GAN: variants seen among roughly 807,000 people sequenced by gnomAD.
GAN encodes the protein epididymis secretory sperm binding protein.
A neutral mutation model predicts 71.3 loss-of-function variants in GAN; 48 were observed. That is an observed-to-expected ratio of 0.67 (90% CI 0.53 to 0.86). GAN has a LOEUF of 0.86. Among genes scored for constraint, GAN ranks in the 40% least tolerant of loss-of-function variants. The probability of loss-of-function intolerance (pLI) is 0.00; values close to 1 mark genes in which losing one functional copy is unlikely to be tolerated. For synonymous variants in GAN, 386 were observed against 276.8 expected, an observed-to-expected ratio of 1.39 and a Z score of -3.92; for missense variants, 928 against 770.1, an observed-to-expected ratio of 1.21 and a Z score of -2.43.
intron 1 of GAN, among the ~76,000 whole-genome samples, chr16:81,324,348 G>A (rs998830131): frequency 1.3e-4 from 20 of 152,162 alleles, no homozygotes; most frequent in African/African-American, 4.8e-4. Flanking sequence ...GTCCACAGAG[G>A]ATGAGCATGG....
chr16:81,387,995 C>T lies in GAN; in HGVS notation c.*10399C>T, dbSNP rs1904453684. On this transcript the variant is annotated 3_prime_UTR_variant, in exon 11 of 11. Coordinates refer to ENST00000648994, the MANE Select transcript of GAN (RefSeq NM_022041.4). ...TTCGTTTGAACCAGCCTTGATTGTT[C>T]TCTCCATGTTCCACTGTGGCTCCCC... The T allele has an allele frequency of 6.6e-6, 1 of 152,238 alleles. No individual in the cohort carries two copies. 9.4% of individuals were successfully genotyped at this position (152,238 alleles called of 1,614,324 possible).
At position 81,354,738 on chromosome 16, in the gene GAN, G is replaced by T; in HGVS notation, c.616G>T (p.Asp206Tyr). 1 of 1,590,394 alleles carries T rather than the reference G, an allele frequency of 6.3e-7. No individual in the cohort carries two copies. Among genetic ancestry groups the T allele is most frequent in the South Asian group, 1.1e-5 (1 of 90,540 alleles). Residue 206 changes from aspartate to tyrosine, a missense_variant, in exon 3 of 11, where the codon GAT (aspartate) becomes TAT (tyrosine). Physicochemically the swap from Asp to Tyr is radical, Grantham distance 160. Transcript: ENST00000648994. The stretch of plus-strand genomic sequence containing the variant: ...AGCAGTAATTCGATGGATAGCACAT[G>T]ATACAGAAATAAGAAAGGTACCTGT... ...FEAVIRWIAHDTEIRKVHMKD... is the reference protein window; with the variant it reads ...FEAVIRWIAHYTEIRKVHMKD...
chr16:81,340,793 T>G (rs1474750511), intron 1 of GAN, among the ~76,000 whole-genome samples: 1 of 151,948 alleles, frequency 6.6e-6, no homozygotes, highest in East Asian at 1.9e-4. Context: ...ATAATGAATT[T>G]GATGAGTTGA....
At chr16:81,352,368 C>T (rs983068626) in intron 2 of GAN, among the ~76,000 whole-genome samples, 1 of 152,178 alleles carries the variant, frequency 6.6e-6, no homozygotes, top group African/African-American at 2.4e-5. Context: ...ACTACCCATT[C>T]CCCATGACGT....
At chr16:81,354,984 C>T (rs975656041) in intron 3 of GAN, among the ~76,000 whole-genome samples, 1 of 152,156 alleles carries the variant, frequency 6.6e-6, no homozygotes, top group South Asian at 2.1e-4. Flanking sequence ...TTGTAAGGAG[C>T]GTAATATCCT....
intron 1 of GAN, among the ~76,000 whole-genome samples, chr16:81,316,833 A>T (rs1909059439): frequency 1.3e-5 from 2 of 152,162 alleles, no homozygotes; most frequent in South Asian, 4.1e-4. Flanking sequence ...TTTCCCAACC[A>T]CAGTGTGACC....
At chr16:81,355,963 G>A (rs1349673372) in intron 3 of GAN, among the ~76,000 whole-genome samples, 1 of 152,188 alleles carries the variant, frequency 6.6e-6, no homozygotes, top group Non-Finnish European at 1.5e-5. Flanking sequence ...ATTGGTAAAG[G>A]AGATAGAAAA....
At chr16:81,370,241 G>T (rs1454407237) in intron 9 of GAN, among the ~76,000 whole-genome samples, 1 of 152,114 alleles carries the variant, frequency 6.6e-6, no homozygotes, top group African/African-American at 2.4e-5. Flanking sequence ...TGACCACATT[G>T]TGCTGTTTGT....
At chr16:81,318,804 C>G (rs1909129266) in intron 1 of GAN, among the ~76,000 whole-genome samples, 1 of 152,146 alleles carries the variant, frequency 6.6e-6, no homozygotes, top group East Asian at 1.9e-4. Context: ...ATGGTCAGCT[C>G]AGAGAGGACT....
intron 1 of GAN, among the ~76,000 whole-genome samples, chr16:81,317,900 T>C (rs1909098670): frequency 6.6e-6 from 1 of 152,194 alleles, no homozygotes; most frequent in Non-Finnish European, 1.5e-5. Context: ...TAAACATGAA[T>C]CAGTCAATAT....
chr16:81,317,262 T>G (rs1909075296), intron 1 of GAN, among the ~76,000 whole-genome samples: 1 of 152,248 alleles, frequency 6.6e-6, no homozygotes, highest in Admixed American at 6.5e-5. Context: ...ACAGCAAATG[T>G]GTACATTAGA....
Position 81,335,670 on chromosome 16 carries a change from T to G in GAN, c.168-15913T>G, listed in dbSNP as rs571556079. Among the ~76,000 whole-genome samples, 9 of 144,080 alleles carry G rather than the reference T, an allele frequency of 6.2e-5. No individual in the cohort carries two copies. In the East Asian group the frequency reaches 1.1e-3, roughly 17 times the overall value. 94.5% of individuals were successfully genotyped at this position (144,080 alleles called of 152,430 possible). A position where few individuals can be genotyped will look rare whatever the true frequency, so the allele number is the denominator to read the frequency against. On this transcript the variant is annotated intron_variant, in intron 1 of 10. Coordinates refer to ENST00000648994, the MANE Select transcript of GAN (RefSeq NM_022041.4). ...GCTGAGGCAGGAGAATCGCTTGAAC[T>G]CGGGAGGCGGAGGTTGCAGTGAGCC...
chr16:81,316,925 C>G (rs1183324429), intron 1 of GAN, among the ~76,000 whole-genome samples: 1 of 152,172 alleles, frequency 6.6e-6, no homozygotes, highest in African/African-American at 2.4e-5. Flanking sequence ...GTGGCGTGAT[C>G]TCGGCCCACT....
At chr16:81,334,279 G>C (rs566613662) in intron 1 of GAN, among the ~76,000 whole-genome samples, 1 of 152,310 alleles carries the variant, frequency 6.6e-6, no homozygotes, top group East Asian at 1.9e-4. Flanking sequence ...GGCTGTCGGG[G>C]AAGGATAGGA....
Position 81,386,350 on chromosome 16 carries a change from T to C in GAN, c.*8754T>C, listed in dbSNP as rs923449378. 8.5e-5 allele frequency: 13 copies of C among 152,240 alleles called. No homozygotes were observed. The highest frequency in any genetic ancestry group is 1.9e-4 in the Non-Finnish European group (13 of 68,042). 9.4% of individuals were successfully genotyped at this position (152,240 alleles called of 1,614,324 possible). On this transcript the variant is annotated 3_prime_UTR_variant, in exon 11 of 11. Coordinates refer to ENST00000648994, the MANE Select transcript of GAN (RefSeq NM_022041.4). ...TTAGACCAGTAGACCTAACTGTGCT[T>C]TCTTAACTTGGATGTTACATGAAAC... is the stretch of plus-strand genomic sequence containing the variant.
At chr16:81,328,584 G>A (rs969212332) in intron 1 of GAN, among the ~76,000 whole-genome samples, 1 of 151,784 alleles carries the variant, frequency 6.6e-6, no homozygotes, top group African/African-American at 2.4e-5. Flanking sequence ...TATTTGTTGT[G>A]TGAAGCCAGG....
intron 1 of GAN, among the ~76,000 whole-genome samples, chr16:81,321,203 A>G (rs1909212041): frequency 6.6e-6 from 1 of 152,266 alleles, no homozygotes; most frequent in Admixed American, 6.5e-5. Context: ...GATGAAACAA[A>G]TCAACAAAAT....
chr16:81,357,637 G>A (rs1288756869), intron 4 of GAN, among the ~76,000 whole-genome samples, 173 bp from the exon 5 acceptor site: 1 of 152,166 alleles, frequency 6.6e-6, no homozygotes, highest in African/African-American at 2.4e-5. Flanking sequence ...TGGGATGGCT[G>A]GGTCAAATGG....
chr16:81,354,630 T>G lies in GAN; in HGVS notation c.508T>G (p.Phe170Val). 1 of 1,613,860 alleles carries G rather than the reference T, an allele frequency of 6.2e-7. No individual in the cohort carries two copies. The highest frequency in any genetic ancestry group is 8.5e-7 in the Non-Finnish European group (1 of 1,179,718). Residue 170 changes from phenylalanine (F) to valine (V), a missense_variant, in exon 3 of 11, where the codon TTC (phenylalanine) becomes GTC (valine). Phe to Val is a conservative substitution (Grantham distance 50, BLOSUM62 -1). Coordinates refer to ENST00000648994, the MANE Select transcript of GAN (RefSeq NM_022041.4). ...CCGAGACGTCAGCAGCACGGAAGAA[T>G]TCTTAGAGCTGAGTCCTCAAAAGCT... ...HFRDVSSTEE[F>V]LELSPQKLKE...
Sources: gnomAD v4.1 joint callset for allele counts (sites outside exome capture counted in the v4.1 genomes callset) on GRCh38, gnomAD v4.1.1 for gene constraint, MANE v1.5 for transcripts, NCBI Gene and HGNC (gene_info 2026-07-23, HGNC 2026-07-21) for gene names.